TENM3: variants seen among roughly 807,000 people sequenced by gnomAD.
TENM3 encodes teneurin transmembrane protein 3.
Under a neutral mutation model 255.1 loss-of-function variants are expected in TENM3, and 63 were observed. The observed-to-expected ratio is 0.25, with a 90% CI of 0.20 to 0.30. TENM3 has a LOEUF of 0.30. Among genes scored for constraint, TENM3 ranks in the 10% least tolerant of loss-of-function variants. The pLI is 1.00. For missense variants in TENM3, 2,929 were observed against 3,461.1 expected, an observed-to-expected ratio of 0.85 and a Z score of 3.86; for synonymous variants, 1,306 against 1,322.3, an observed-to-expected ratio of 0.99 and a Z score of 0.27.
chr4:182,331,896 C>T (rs977126988), intron 2 of TENM3, among the ~76,000 whole-genome samples: 5 of 152,138 alleles, frequency 3.3e-5, no homozygotes, highest in African/African-American at 9.6e-5. Context: ...TGTTAAAACA[C>T]GTTAGTAGTG....
chr4:182,506,213 A>G (rs1736803575), intron 3 of TENM3, among the ~76,000 whole-genome samples: 1 of 152,170 alleles, frequency 6.6e-6, no homozygotes, highest in African/African-American at 2.4e-5. Flanking sequence ...CATGTTTATA[A>G]TGTGTAAGCC....
chr4:182,486,138 G>A (rs1433524815), intron 3 of TENM3, among the ~76,000 whole-genome samples: 2 of 152,036 alleles, frequency 1.3e-5, no homozygotes, highest in Non-Finnish European at 2.9e-5. Context: ...TAACCATAAA[G>A]ATGGAAACCA....
At chr4:182,474,243 CACTGGTCTAATAGATGGT>C (rs1733443504) in intron 3 of TENM3, among the ~76,000 whole-genome samples, 1 of 152,090 alleles carries the variant, frequency 6.6e-6, no homozygotes, top group African/African-American at 2.4e-5. Context: ...GCTTGAAGAC[CACTGGTCTAATAGATGGT>C]ACATTTTTAT....
chr4:182,784,778 C>T (rs964000416), intron 24 of TENM3, among the ~76,000 whole-genome samples: 19 of 152,246 alleles, frequency 1.2e-4, no homozygotes, highest in African/African-American at 4.1e-4. Context: ...TTAAGCCCGT[C>T]GGAAAAGCGC....
At chr4:182,359,480 T>C (rs374303128) in intron 3 of TENM3, among the ~76,000 whole-genome samples, 10 of 151,052 alleles carry the variant, frequency 6.6e-5, no homozygotes, top group Middle Eastern at 3.4e-3. Flanking sequence ...TTATCCATTT[T>C]TTCTAGATTT....
At chr4:182,018,478 C>T in the TENM3 span, among the ~76,000 whole-genome samples, 1 of 152,252 alleles carries the variant, frequency 6.6e-6, no homozygotes, top group Non-Finnish European at 1.5e-5. Context: ...TAACAGTATT[C>T]CTAGGAGCTA....
At chr4:182,260,787 A>G (rs1336737003) in intron 1 of TENM3, among the ~76,000 whole-genome samples, 1 of 152,244 alleles carries the variant, frequency 6.6e-6, no homozygotes, top group Non-Finnish European at 1.5e-5. Context: ...ACTGACAACT[A>G]TGAAAAATCA....
At chr4:182,057,680 T>C in the TENM3 span, among the ~76,000 whole-genome samples, 1 of 152,028 alleles carries the variant, frequency 6.6e-6, no homozygotes, top group Non-Finnish European at 1.5e-5. Flanking sequence ...GAATTACAGG[T>C]GTGAGCTATA....
At position 182,789,581 on chromosome 4, in the gene TENM3, T is replaced by C. The variant is rs1199992787; in HGVS notation, c.5601+192T>C. Among the ~76,000 whole-genome samples the C allele has an allele frequency of 6.6e-6, 1 of 152,244 alleles. No individual in the cohort carries two copies. ...CATTAGCAAAGTAGTTTCTCCTTAG[T>C]TAAGTTCTACTGTCTGAGACCCTTT... On this transcript the variant is annotated intron_variant, in intron 25 of 27. Transcript: ENST00000511685. The surrounding 1 kb of genome is among the most constrained non-coding windows in gnomAD (Gnocchi z 4.4).
rs187453792 is a variant in TENM3 at position 182,329,764 on chromosome 4, A to G, written c.232+5512A>G. Reference sequence around the variant, plus strand: ...AAATTAAAATCATAATTTACAAACTAAAAATGGCAGCAGATTAGTTGAAGA... The same window carrying G: ...AAATTAAAATCATAATTTACAAACTGAAAATGGCAGCAGATTAGTTGAAGA... On this transcript the variant is annotated intron_variant, in intron 2 of 27. Coordinates refer to ENST00000511685, the MANE Select transcript of TENM3 (RefSeq NM_001080477.4). 9.5e-4 allele frequency among the ~76,000 whole-genome samples: 145 copies of G among 152,310 alleles called. 1 individual carries two copies. The highest frequency in any genetic ancestry group is 3.3e-3 in the African/African-American group (136 of 41,580).
At chr4:181,887,512 C>T in the TENM3 span, among the ~76,000 whole-genome samples, 1 of 152,096 alleles carries the variant, frequency 6.6e-6, no homozygotes. Context: ...TTTCTCTGTG[C>T]CTCTCTATCC....
intron 3 of TENM3, among the ~76,000 whole-genome samples, chr4:182,467,603 A>G (rs151085620): frequency 5.3e-5 from 8 of 152,252 alleles, no homozygotes; most frequent in Admixed American, 3.9e-4. Flanking sequence ...GAGAGCAGCT[A>G]TTGGTTAATT....
chr4:181,766,202 C>T, the TENM3 span, among the ~76,000 whole-genome samples: 1 of 152,166 alleles, frequency 6.6e-6, no homozygotes, highest in Non-Finnish European at 1.5e-5. Flanking sequence ...ATAAGACCAG[C>T]AACTGGGATC....
At chr4:182,026,022 G>T in the TENM3 span, among the ~76,000 whole-genome samples, 1 of 152,108 alleles carries the variant, frequency 6.6e-6, no homozygotes, top group Non-Finnish European at 1.5e-5. Flanking sequence ...TCCCCACCCT[G>T]TGTCCGTGTG....
At chr4:182,252,879 C>T (rs1242156978) in intron 1 of TENM3, among the ~76,000 whole-genome samples, 2 of 152,106 alleles carry the variant, frequency 1.3e-5, no homozygotes, top group Non-Finnish European at 2.9e-5. Context: ...CTTAGTTCGG[C>T]AGACAAAGAA....
At chr4:182,152,399 A>G (rs1750407729) in intron 1 of TENM3, among the ~76,000 whole-genome samples, 1 of 152,108 alleles carries the variant, frequency 6.6e-6, no homozygotes, top group African/African-American at 2.4e-5. Context: ...CTTGTATGTA[A>G]GGTATACCTG....
At chr4:182,282,400 A>C (rs768718744) in intron 1 of TENM3, among the ~76,000 whole-genome samples, 1 of 152,224 alleles carries the variant, frequency 6.6e-6, no homozygotes, top group Non-Finnish European at 1.5e-5. Flanking sequence ...AGCAAAGATA[A>C]AATTTTCATT....
chr4:182,465,173 G>A (rs1391021210), intron 3 of TENM3, among the ~76,000 whole-genome samples: 1 of 152,172 alleles, frequency 6.6e-6, no homozygotes, highest in Non-Finnish European at 1.5e-5. Context: ...TTTGAGCACA[G>A]TAAAATAAAT....
chr4:182,204,934 G>A (rs1026238587), intron 1 of TENM3, among the ~76,000 whole-genome samples: 6 of 152,176 alleles, frequency 3.9e-5, no homozygotes, highest in African/African-American at 1.4e-4. Context: ...AACTGAGTCT[G>A]CATTGTTCTC....
Sources: allele counts gnomAD v4.1 joint callset (sites outside exome capture counted in the v4.1 genomes callset), GRCh38; gene constraint gnomAD v4.1.1; non-coding constraint Gnocchi (gnomAD v3.1); transcripts MANE v1.5; gene names NCBI Gene and HGNC (gene_info 2026-07-23, HGNC 2026-07-21).